ALG6: variants seen among roughly 807,000 people sequenced by gnomAD.
The protein encoded by ALG6 is ALG6 alpha-1,3-glucosyltransferase.
Under a neutral mutation model 66.6 loss-of-function variants are expected in ALG6, and 46 were observed. The ratio of observed to expected loss-of-function variants is 0.69; its 90% CI spans 0.55 to 0.88. The LOEUF (loss-of-function observed/expected upper bound fraction) is 0.88. Among genes scored for constraint, ALG6 ranks in the 40% least tolerant of loss-of-function variants. The pLI is 0.00. For missense variants in ALG6, 505 were observed against 586.8 expected (o/e 0.86, Z 1.44); for synonymous variants, 185 against 203.7 (o/e 0.91, Z 0.78).
intron 12 of ALG6, among the ~76,000 whole-genome samples, chr1:63,422,744 T>C (rs943252217): frequency 6.6e-6 from 1 of 151,462 alleles, no homozygotes; most frequent in Non-Finnish European, 1.5e-5. Flanking sequence ...TCATCTGAGG[T>C]TGGGAGTTCA....
chr1:63,390,232 G>A (rs970449148), intron 2 of ALG6, among the ~76,000 whole-genome samples: 6 of 152,150 alleles, frequency 3.9e-5, no homozygotes, highest in Non-Finnish European at 4.4e-5. Flanking sequence ...AAGGCCTGGA[G>A]TTAGGAACCT....
intron 2 of ALG6, among the ~76,000 whole-genome samples, chr1:63,375,034 A>ACC (rs1487282121): frequency 5.3e-5 from 8 of 151,898 alleles, no homozygotes. Flanking sequence ...ACATGGTGAA[A>ACC]CCCCCTTTAC....
intron 14 of ALG6, among the ~76,000 whole-genome samples, chr1:63,431,135 T>C (rs1339396676): frequency 3.9e-5 from 6 of 152,152 alleles, no homozygotes; most frequent in Admixed American, 2.0e-4. Context: ...TGAAAATCAG[T>C]TGTTCTTAAA....
At position 63,437,298 on chromosome 1, in the gene ALG6, A is replaced by C; in HGVS notation, c.*278A>C. 1 of 360,814 alleles carries C rather than the reference A, an allele frequency of 2.8e-6. No homozygotes were observed. Among genetic ancestry groups the C allele is most frequent in the East Asian group, 6.7e-5 (1 of 14,994 alleles). The allele number at this position is 360,814 out of a possible 1,614,324, so 22.4% of individuals were successfully genotyped here. On this transcript the variant is annotated 3_prime_UTR_variant, in exon 15 of 15. Transcript: ENST00000263440. ...GGGAAAAAAGAGAAACATGTCCTTA[A>C]TCCCATTGTTTACTCAGGAAATGCA...
At chr1:63,378,876 T>TC (rs1648216674) in intron 2 of ALG6, among the ~76,000 whole-genome samples, 1 of 151,786 alleles carries the variant, frequency 6.6e-6, no homozygotes, top group South Asian at 2.1e-4. Flanking sequence ...TTTTTTTTTT[T>TC]AACTCCCCAT....
chr1:63,374,711 A>G (rs954759801), intron 2 of ALG6, among the ~76,000 whole-genome samples: 1 of 152,180 alleles, frequency 6.6e-6, no homozygotes, highest in African/African-American at 2.4e-5. Context: ...GGCTATAACT[A>G]GCACATTTAT....
intron 14 of ALG6, among the ~76,000 whole-genome samples, chr1:63,434,460 A>G (rs1644667276): frequency 1.3e-5 from 2 of 152,158 alleles, no homozygotes; most frequent in Non-Finnish European, 2.9e-5. Flanking sequence ...TTAGTTTTAG[A>G]TACCTATTAG....
At chr1:63,424,755 T>G (rs964945859) in intron 12 of ALG6, among the ~76,000 whole-genome samples, 1 of 150,988 alleles carries the variant, frequency 6.6e-6, no homozygotes, top group African/African-American at 2.4e-5. Flanking sequence ...TATTTATGTC[T>G]TTGATCCATT....
At chr1:63,397,333 C>A (rs1229517402) in intron 3 of ALG6, among the ~76,000 whole-genome samples, 1 of 151,988 alleles carries the variant, frequency 6.6e-6, no homozygotes, top group African/African-American at 2.4e-5. Flanking sequence ...TTGCAGGTGC[C>A]TGTCACCATG....
intron 2 of ALG6, 92 bp from the exon 3 acceptor site, chr1:63,396,421 C>A: frequency 9.3e-7 from 1 of 1,069,904 alleles, no homozygotes; most frequent in Non-Finnish European, 1.4e-6. Context: ...ACCTACACTG[C>A]CTCTCTAATT....
At chr1:63,393,737 G>A (rs1648738343) in intron 2 of ALG6, among the ~76,000 whole-genome samples, 1 of 152,140 alleles carries the variant, frequency 6.6e-6, no homozygotes, top group Non-Finnish European at 1.5e-5. Context: ...AAATTAATTG[G>A]TCTGCCATCA....
intron 11 of ALG6, among the ~76,000 whole-genome samples, chr1:63,416,929 C>A (rs2100425952): frequency 6.6e-6 from 1 of 152,228 alleles, no homozygotes; most frequent in East Asian, 1.9e-4. Context: ...AATTAGGGTT[C>A]CAAGTCTGGG....
At chr1:63,382,674 T>G (rs1207123565) in intron 2 of ALG6, among the ~76,000 whole-genome samples, 1,433 of 134,372 alleles carry the variant, frequency 0.011, 26 homozygotes, top group African/African-American at 0.038. Flanking sequence ...TGTTTTTTTT[T>G]TTTTGTTTTT....
chr1:63,384,140 A>G (rs1020068270), intron 2 of ALG6, among the ~76,000 whole-genome samples: 1 of 152,150 alleles, frequency 6.6e-6, no homozygotes, highest in African/African-American at 2.4e-5. Context: ...TATCTTTTCA[A>G]TATATGGATT....
chr1:63,398,542 G>T (rs888756336), intron 3 of ALG6, among the ~76,000 whole-genome samples: 1 of 151,924 alleles, frequency 6.6e-6, no homozygotes, highest in Non-Finnish European at 1.5e-5. Context: ...GCTCGATCTC[G>T]GCTCACTGCA....
chr1:63,377,649 A>G (rs1235144173), intron 2 of ALG6, among the ~76,000 whole-genome samples: 1 of 152,204 alleles, frequency 6.6e-6, no homozygotes, highest in African/African-American at 2.4e-5. Flanking sequence ...GTTACTGTCT[A>G]GGATTTTGTT....
chr1:63,396,915 C>G (rs1243174000), intron 3 of ALG6, among the ~76,000 whole-genome samples: 1 of 152,180 alleles, frequency 6.6e-6, no homozygotes, highest in Non-Finnish European at 1.5e-5. Context: ...TCCCTGTTCC[C>G]TCATCCACTG....
At chr1:63,431,197 T>C (rs1321547863) in intron 14 of ALG6, among the ~76,000 whole-genome samples, 1 of 152,244 alleles carries the variant, frequency 6.6e-6, no homozygotes, top group African/African-American at 2.4e-5. Context: ...TCTATATGTC[T>C]ATCCTTATGC....
intron 11 of ALG6, among the ~76,000 whole-genome samples, chr1:63,418,553 AT>A (rs1325430439): frequency 6.6e-6 from 1 of 152,050 alleles, no homozygotes; most frequent in Admixed American, 6.6e-5. Flanking sequence ...TCTTGTAGGC[AT>A]TGGGATTTTT....
Sources: gnomAD v4.1 joint callset for allele counts (sites outside exome capture counted in the v4.1 genomes callset) on GRCh38, gnomAD v4.1.1 for gene constraint, MANE v1.5 for transcripts, NCBI Gene and HGNC (gene_info 2026-07-23, HGNC 2026-07-21) for gene names.